The following HAL variants were observed in gnomAD, a reference collection of about 807,000 sequenced individuals.
HAL encodes the protein histidine ammonia-lyase, also known as histidase.
In HAL, 85 loss-of-function variants were observed where a neutral mutation model predicts 81.1. The observed-to-expected ratio is 1.05, with a 90% CI of 0.88 to 1.25. HAL has a LOEUF of 1.25. Ranked by LOEUF, HAL falls within the 50% of genes most tolerant of loss-of-function variation. The pLI is 0.00. For missense variants in HAL, 798 were observed against 836.6 expected (o/e 0.95, Z 0.57); for synonymous variants, 301 against 309.2 (o/e 0.97, Z 0.28).
rs564880759 is a variant in HAL at position 95,974,322 on chromosome 12, A to T, written c.1884T>A (p.Ile628=). 6.2e-7 allele frequency: 1 copy of T among 1,612,760 alleles called. No individual in the cohort carries two copies. The highest frequency in any genetic ancestry group is 2.2e-5 in the East Asian group (1 of 44,878). ...TTGGAGAAAGAGGTCTTGATTCTGG[A>T]ATATGCTCCATTCTGTATTTTTCAA... ...PYIEKYRMEH[I]PESRPLSPTA... is the part of the protein sequence containing the mutation. Residue 628 remains isoleucine (I), a synonymous_variant, in exon 21 of 21, where the codon ATT becomes ATA. Coordinates refer to ENST00000261208, the MANE Select transcript of HAL (RefSeq NM_002108.4).
chr12:95,993,218 T>A (rs1949993123), intron 8 of HAL, among the ~76,000 whole-genome samples: 1 of 152,186 alleles, frequency 6.6e-6, no homozygotes, highest in Non-Finnish European at 1.5e-5. Context: ...CAACAGTGTC[T>A]CCATGGCATG....
Position 95,973,851 on chromosome 12 carries a change from T to C in HAL, c.*381A>G, listed in dbSNP as rs1592832572. The stretch of plus-strand genomic sequence containing the variant: ...AAAAAAAAAAAAAGGTTAACAAAAG[T>C]CTAATGTTTTTAGAAAAAATTGCTA... On this transcript the variant is annotated 3_prime_UTR_variant, in exon 21 of 21. Transcript: ENST00000261208. 1 of 173,088 alleles carries C rather than the reference T, an allele frequency of 5.8e-6. No individual in the cohort carries two copies. The highest frequency in any genetic ancestry group is 1.2e-5 in the Non-Finnish European group (1 of 82,066). 10.7% of individuals were successfully genotyped at this position (173,088 alleles called of 1,614,324 possible).
intron 11 of HAL, 130 bp from the exon 12 acceptor site, chr12:95,987,344 T>C (rs1048180482): frequency 7.6e-6 from 6 of 785,636 alleles, no homozygotes; most frequent in South Asian, 1.4e-5. Context: ...TATGTTTATG[T>C]TTTCTAAAGT....
intron 17 of HAL, among the ~76,000 whole-genome samples, chr12:95,978,914 C>G (rs1280486353): frequency 6.6e-6 from 1 of 152,170 alleles, no homozygotes; most frequent in Non-Finnish European, 1.5e-5. Context: ...CTAAGATGAT[C>G]TCGCTTTAAA....
rs1034934669 is a variant in HAL, at chr12:95,977,827, T to G, written c.1654+117A>C. 88 of 1,082,516 alleles carry G rather than the reference T, an allele frequency of 8.1e-5. No homozygotes were observed. The African/African-American group carries it at 1.1e-3, about 14-fold the overall frequency. The allele number at this position is 1,082,516 out of a possible 1,614,324, so 67.1% of individuals were successfully genotyped here. A position where few individuals can be genotyped will look rare whatever the true frequency, so the allele number is the denominator to read the frequency against. ...CAGCCTGCAAGGAGGCCTGAGAGTC[T>G]GCCTTCCTAACAAGTTTCCAGGTGA... On this transcript the variant is annotated intron_variant, in intron 18 of 20. Coordinates refer to ENST00000261208, the MANE Select transcript of HAL (RefSeq NM_002108.4).
chr12:95,984,898 G>C (rs1479223095), intron 14 of HAL, among the ~76,000 whole-genome samples: 1 of 152,190 alleles, frequency 6.6e-6, no homozygotes, highest in East Asian at 1.9e-4. Flanking sequence ...AAAGGGAAAT[G>C]AGGGTATTTA....
Position 95,976,476 on chromosome 12 carries a change from T to TA in HAL, c.1785_1786insT (p.Met596TyrfsTer26). On this transcript the variant is annotated frameshift_variant, in exon 20 of 21. Transcript: ENST00000261208. LOFTEE classifies it high-confidence loss of function. ...TGGGCTGCCTCGATGTCCGGGGCCATGAAGCGATCTTTTATCCAGGGCCTA... is the reference window on the plus strand; with the variant it reads ...TGGGCTGCCTCGATGTCCGGGGCCATAGAAGCGATCTTTTATCCAGGGCCTA... The TA allele has an allele frequency of 1.9e-6, 3 of 1,614,126 alleles. No individual in the cohort carries two copies. Among genetic ancestry groups the TA allele is most frequent in the Non-Finnish European group, 2.5e-6 (3 of 1,179,962 alleles).
At position 95,985,861 on chromosome 12, in the gene HAL, A is replaced by G. The variant is rs190088393; in HGVS notation, c.1206+47T>C. 1.1e-5 allele frequency: 15 copies of G among 1,324,710 alleles called. No homozygotes were observed. In the Admixed American group the frequency reaches 2.6e-4, roughly 23 times the overall value. 82.1% of individuals were successfully genotyped at this position (1,324,710 alleles called of 1,614,324 possible). ...TCATCCTGAACCTGGGGAAAGAAAAACTTTATTGGCATTTTTTATTGACCT... is the reference window on the plus strand; with the variant it reads ...TCATCCTGAACCTGGGGAAAGAAAAGCTTTATTGGCATTTTTTATTGACCT... On this transcript the variant is annotated intron_variant, in intron 14 of 20. Transcript: ENST00000261208.
rs1011887693 is a variant in HAL at position 95,986,252 on chromosome 12, C to T, written c.1052-92G>A. 11 of 797,412 alleles carry T rather than the reference C, an allele frequency of 1.4e-5. No individual in the cohort carries two copies. The Admixed American group carries it at 2.2e-4, about 16-fold the overall frequency. The allele number at this position is 797,412 out of a possible 1,614,324, so 49.4% of individuals were successfully genotyped here. On this transcript the variant is annotated intron_variant, in intron 12 of 20. Transcript: ENST00000261208. The stretch of plus-strand genomic sequence containing the variant: ...CTCACTACGTTCCCCAGGCTGGTTT[C>T]AAACTCCTGGGCTCTAGCGATCCTC...
chr12:95,992,046 G>C (rs187169792), intron 9 of HAL, among the ~76,000 whole-genome samples: 2 of 152,252 alleles, frequency 1.3e-5, no homozygotes, highest in East Asian at 3.9e-4. Flanking sequence ...TAGAAGGCTT[G>C]TCCTTACCTG....
chr12:95,991,337 T>A (rs187279523), intron 9 of HAL, among the ~76,000 whole-genome samples: 55 of 152,334 alleles, frequency 3.6e-4, no homozygotes, highest in Non-Finnish European at 7.2e-4. Context: ...TAAAGGACAT[T>A]CATTTGACCA....
intron 11 of HAL, among the ~76,000 whole-genome samples, chr12:95,987,507 T>C (rs1000791110): frequency 1.3e-5 from 2 of 152,042 alleles, no homozygotes; most frequent in Admixed American, 6.5e-5. Context: ...ATAAAATCTT[T>C]AGTGCATTAG....
intron 4 of HAL, 130 bp downstream of exon 4, chr12:95,994,668 A>G: frequency 2.1e-6 from 2 of 932,826 alleles, no homozygotes; most frequent in Non-Finnish European, 3.6e-6. Context: ...GGGACTACAG[A>G]CATGAGTCAC....
intron 10 of HAL, among the ~76,000 whole-genome samples, chr12:95,988,862 C>T (rs977002483): frequency 6.6e-6 from 1 of 152,058 alleles, no homozygotes; most frequent in African/African-American, 2.4e-5. Context: ...GTTAAGGTCT[C>T]TCTAGGAAAG....
chr12:95,977,228 G>A (rs1222913278), intron 18 of HAL, among the ~76,000 whole-genome samples: 2 of 152,098 alleles, frequency 1.3e-5, no homozygotes, highest in African/African-American at 2.4e-5. Context: ...CAGGTCCACC[G>A]TGAATTCCAC....
chr12:95,989,309 G>C (rs1429342872), intron 10 of HAL, among the ~76,000 whole-genome samples: 2 of 152,230 alleles, frequency 1.3e-5, no homozygotes, highest in African/African-American at 2.4e-5. Flanking sequence ...CTCCTGAGTA[G>C]CTGGGACTAC....
chr12:95,983,711 A>G (rs549779009), intron 15 of HAL, 200 bp downstream of exon 15: 2 of 602,094 alleles, frequency 3.3e-6, no homozygotes, highest in South Asian at 2.0e-5. Flanking sequence ...ACCTGAGAGT[A>G]AGTTCACAGG....
chr12:95,993,317 C>A, intron 8 of HAL, 134 bp downstream of exon 8: 1 of 750,298 alleles, frequency 1.3e-6, no homozygotes, highest in Non-Finnish European at 2.5e-6. Flanking sequence ...TCCCTTCTCA[C>A]CTCGGCACCT....
At position 95,993,830 on chromosome 12, in the gene HAL, C is replaced by T. The variant is rs137949606; in HGVS notation, c.493G>A (p.Gly165Ser). The change falls in exon 7 of 21, where the codon GGT (glycine) becomes AGT (serine). Residue 165 changes from glycine to serine, a missense_variant. Physicochemically the swap from Gly to Ser is moderately conservative, Grantham distance 56. Coordinates refer to ENST00000261208, the MANE Select transcript of HAL (RefSeq NM_002108.4). The part of the protein sequence containing the change: ...SIIKEKTVVY[G>S]ITTGFGKFAR... ...AATTTCCCAAAACCTGTAGTAATAC[C>T]GTAAACAACTAGAATAAAAAGAGAC... The T allele has an allele frequency of 2.3e-4, 357 of 1,565,630 alleles. No individual in the cohort carries two copies. The highest frequency in any genetic ancestry group is 3.0e-4 in the Non-Finnish European group (338 of 1,136,188).
Sources: allele counts gnomAD v4.1 joint callset (sites outside exome capture counted in the v4.1 genomes callset), GRCh38; gene constraint gnomAD v4.1.1; transcripts MANE v1.5; gene names NCBI Gene and HGNC (gene_info 2026-07-23, HGNC 2026-07-21).